Variants in ATRAID observed in about 807,000 individuals in gnomAD.
ATRAID encodes all-trans retinoic acid induced differentiation factor.
In ATRAID, 26 loss-of-function variants were observed where a neutral mutation model predicts 28.8. The ratio of observed to expected loss-of-function variants is 0.90; its 90% CI spans 0.66 to 1.25. The LOEUF (loss-of-function observed/expected upper bound fraction) is 1.25. ATRAID is among the 50% of genes most tolerant of loss of function. The pLI is 0.00. For synonymous variants in ATRAID, 131 were observed against 108.5 expected (o/e 1.21, Z -1.29); for missense variants, 308 against 285.9 (o/e 1.08, Z -0.56).
chr2:27,213,132 T>A, intron 1 of ATRAID, 45 bp from the exon 2 acceptor site: 1 of 1,595,090 alleles, frequency 6.3e-7, no homozygotes, highest in Non-Finnish European at 8.6e-7. Flanking sequence ...TGTTCTTTTC[T>A]TGGCTTTTCT....
At chr2:27,213,968 G>A (rs961447620) in intron 2 of ATRAID, among the ~76,000 whole-genome samples, 7 of 151,920 alleles carry the variant, frequency 4.6e-5, no homozygotes, top group Non-Finnish European at 8.8e-5. Context: ...TTTTTGAGAC[G>A]GAGTTTCACT....
intron 2 of ATRAID, among the ~76,000 whole-genome samples, chr2:27,213,804 C>T (rs1043165296): frequency 3.9e-5 from 6 of 152,236 alleles, no homozygotes; most frequent in African/African-American, 1.4e-4. Context: ...CCCTCAAAGG[C>T]ATTCCACCTT....
Position 27,215,723 on chromosome 2 carries a change from A to C in ATRAID, c.457A>C (p.Lys153Gln). 6.2e-7 allele frequency: 1 copy of C among 1,614,214 alleles called. No individual in the cohort carries two copies. Among genetic ancestry groups the C allele is most frequent in the East Asian group, 2.2e-5 (1 of 44,892 alleles). ...YIDNQICQGQ[K>Q]NLCNNTGDPE... is the part of the protein sequence containing the mutation. The stretch of plus-strand genomic sequence containing the variant: ...AGACAACCAAATCTGTCAAGGGCAA[A>C]AGAACCTTTGCAATAACACTGGGGA... Residue 153 changes from lysine (K) to glutamine (Q), a missense_variant, in exon 5 of 7, where the codon AAG becomes CAG. Transcript: ENST00000380171.
Position 27,215,331 on chromosome 2 carries a change from C to T in ATRAID, c.232C>T (p.Gln78Ter), listed in dbSNP as rs772920535. The T allele has an allele frequency of 6.2e-7, 1 of 1,614,002 alleles. No homozygotes were observed. The highest frequency in any genetic ancestry group is 1.3e-5 in the African/African-American group (1 of 74,888). The change falls in exon 3 of 7, where the codon CAG becomes TAG. Residue 78 changes from glutamine (Q) to a stop codon, truncating the protein, a stop_gained. Transcript: ENST00000380171. LOFTEE classifies it high-confidence loss of function. ...ACTTTATTTCCTCAGGCTGGATCTC[C>T]AGAACTGTTCTCTGGAGGACCCTGG... ...QKGTILGLDLQNCSLEDPGPN... is the reference protein window; with the variant it reads ...QKGTILGLDL
At position 27,216,770 on chromosome 2, in the gene ATRAID, G is replaced by A. The variant is rs1572414840; in HGVS notation, c.586-74G>A. On this transcript the variant is annotated intron_variant, in intron 6 of 6. Coordinates refer to ENST00000380171, the MANE Select transcript of ATRAID (RefSeq NM_001170795.4). ...CTAGACAAAGTGATAGGTATATTAG[G>A]AAAGAACTAGGTGTTAGGATGTGGC... The A allele has an allele frequency of 2.7e-6, 4 of 1,468,768 alleles. No individual in the cohort carries two copies. In the East Asian group the frequency reaches 9.1e-5, roughly 33 times the overall value. 91.0% of individuals were successfully genotyped at this position (1,468,768 alleles called of 1,614,324 possible). A position where few individuals can be genotyped will look rare whatever the true frequency, so the allele number is the denominator to read the frequency against.
chr2:27,216,234 G>T (rs1375122635), intron 5 of ATRAID: 1 of 403,046 alleles, frequency 2.5e-6, no homozygotes, highest in Non-Finnish European at 4.6e-6. Flanking sequence ...GGGTGGGGCA[G>T]AAACAAATCA....
At position 27,216,883 on chromosome 2, in the gene ATRAID, G is replaced by T. The variant is rs7437; in HGVS notation, c.625G>T (p.Ala209Ser). 80,213 of 1,613,972 alleles carry T rather than the reference G, an allele frequency of 0.05. 2,284 individuals are homozygous for T. Among genetic ancestry groups the T allele is most frequent in the African/African-American group, 0.11 (8,105 of 74,996 alleles). ...SLLMFFGILG[A>S]TTLSVSILLW... ...GCTTATGTTCTTCGGGATTCTGGGA[G>T]CCACCACTCTATCCGTCTCCATTCT... Residue 209 changes from alanine (A) to serine (S), a missense_variant, in exon 7 of 7, where the codon GCC becomes TCC. By Grantham distance (99) the Ala-to-Ser change is moderately conservative (BLOSUM62 1). Coordinates refer to ENST00000380171, the MANE Select transcript of ATRAID (RefSeq NM_001170795.4).
chr2:27,217,004 A>G lies in ATRAID; in HGVS notation c.*56A>G, dbSNP rs1039640686. The G allele has an allele frequency of 6.0e-5, 88 of 1,455,782 alleles. No individual in the cohort carries two copies. The highest frequency in any genetic ancestry group is 2.0e-5 in the Admixed American group (1 of 50,114). 90.2% of individuals were successfully genotyped at this position (1,455,782 alleles called of 1,614,324 possible). A position where few individuals can be genotyped will look rare whatever the true frequency, so the allele number is the denominator to read the frequency against. ...CAATCTGAACTATCTTAGCCCAGTC[A>G]GGGAGCTCTGCTTCCTAGAAAGGCA... On this transcript the variant is annotated 3_prime_UTR_variant, in exon 7 of 7. Transcript: ENST00000380171.
At chr2:27,213,548 T>C (rs2148042839) in intron 2 of ATRAID, 1 of 345,600 alleles carries the variant, frequency 2.9e-6, no homozygotes, top group South Asian at 8.9e-5. Flanking sequence ...CAAAATGTTA[T>C]GTTTTGCTTC....
In ATRAID at chr2:27,216,945, A is replaced by G; in HGVS notation, c.687A>G (p.Ser229=). The change falls in exon 7 of 7, where the codon TCA becomes TCG. Residue 229 remains serine, a synonymous_variant. Coordinates refer to ENST00000380171, the MANE Select transcript of ATRAID (RefSeq NM_001170795.4). The part of the protein sequence containing the change: ...WATQRRKAKT[S] Reference sequence around the variant, plus strand: ...CCCAGCGCCGAAAAGCCAAGACTTCATGAACTACATAGGTCTTACCATTGA... The same window carrying G: ...CCCAGCGCCGAAAAGCCAAGACTTCGTGAACTACATAGGTCTTACCATTGA... The G allele has an allele frequency of 6.2e-7, 1 of 1,606,180 alleles. No individual in the cohort carries two copies.
In ATRAID at chr2:27,215,763, C is replaced by G. The variant is rs200050175; in HGVS notation, c.487+10C>G. 1.2e-4 allele frequency: 192 copies of G among 1,612,404 alleles called. No individual in the cohort carries two copies. Among genetic ancestry groups the G allele is most frequent in the Non-Finnish European group, 1.3e-4 (150 of 1,179,492 alleles). On this transcript the variant is annotated intron_variant, in intron 5 of 6. Coordinates refer to ENST00000380171, the MANE Select transcript of ATRAID (RefSeq NM_001170795.4). Reference sequence around the variant, plus strand: ...AACACTGGGGACCCAGGTATGCTGTCTTACCTCCAAACTTCTGGGAATTGT... The same window carrying G: ...AACACTGGGGACCCAGGTATGCTGTGTTACCTCCAAACTTCTGGGAATTGT...
rs370763840 is a variant in ATRAID at position 27,213,269 on chromosome 2, C to G, written c.192C>G (p.Cys64Trp). 6.2e-7 allele frequency: 1 copy of G among 1,614,156 alleles called. No individual in the cohort carries two copies. Among genetic ancestry groups the G allele is most frequent in the Admixed American group, 1.7e-5 (1 of 60,020 alleles). The stretch of plus-strand genomic sequence containing the variant: ...GAGAGCTAATGCTGCATGCCCGTTG[C>G]TGCCTGAATCAGAAGGGCACCATCT... ...TTRELMLHARCCLNQKGTILG... is the reference protein window; with the variant it reads ...TTRELMLHARWCLNQKGTILG... Residue 64 changes from cysteine to tryptophan, a missense_variant, in exon 2 of 7, where the codon TGC (cysteine) becomes TGG (tryptophan). Physicochemically the swap from Cys to Trp is radical, Grantham distance 215 (BLOSUM62 -2). Coordinates refer to ENST00000380171, the MANE Select transcript of ATRAID (RefSeq NM_001170795.4).
rs777343021 is a variant in ATRAID at position 27,215,746 on chromosome 2, G to A, written c.480G>A (p.Gly160=). 7 of 1,613,954 alleles carry A rather than the reference G, an allele frequency of 4.3e-6. No homozygotes were observed. Among genetic ancestry groups the A allele is most frequent in the Non-Finnish European group, 5.9e-6 (7 of 1,180,012 alleles). The part of the protein sequence containing the change: ...QGQKNLCNNT[G]DPEMCPENGS... ...AAAAGAACCTTTGCAATAACACTGG[G>A]GACCCAGGTATGCTGTCTTACCTCC... The change falls in exon 5 of 7, where the codon GGG becomes GGA. Residue 160 remains glycine (G), a synonymous_variant. Transcript: ENST00000380171.
At chr2:27,212,714 T>TA (rs1674635251) in intron 1 of ATRAID, 1 of 1,241,598 alleles carries the variant, frequency 8.1e-7, no homozygotes, top group Non-Finnish European at 1.1e-6. Flanking sequence ...AGAATAACTT[T>TA]AAGTTCTTTC....
In ATRAID at chr2:27,212,061, C is replaced by T. The variant is rs570744769; in HGVS notation, c.-308C>T. 1.5e-4 allele frequency: 175 copies of T among 1,140,752 alleles called. 1 individual carries two copies. In the Admixed American group the frequency reaches 6.1e-3, roughly 40 times the overall value. The allele number at this position is 1,140,752 out of a possible 1,614,324, so 70.7% of individuals were successfully genotyped here. On this transcript the variant is annotated 5_prime_UTR_variant, in exon 1 of 7. Transcript: ENST00000380171. ...GGCCCGAGTTTCTGCGAAGCCGCGA[C>T]CTCGGCGTCCGGACGCGGGGAACAC... is the stretch of plus-strand genomic sequence containing the variant.
chr2:27,214,817 A>G (rs1674760734), intron 2 of ATRAID, among the ~76,000 whole-genome samples: 1 of 152,212 alleles, frequency 6.6e-6, no homozygotes, highest in South Asian at 2.1e-4. Flanking sequence ...GTGCCACTGC[A>G]CTCCAGCTTG....
Position 27,215,393 on chromosome 2 carries a change from G to A in ATRAID, c.293+1G>A. On this transcript the variant is annotated splice_donor_variant, in intron 3 of 6. Transcript: ENST00000380171. LOFTEE classifies it high-confidence loss of function. ...ATCAGGCACATACCACTGTCATCAT[G>A]TAAGTAGTTAGGTACCTCCCACCCA... 1.2e-6 allele frequency: 2 copies of A among 1,614,186 alleles called. No individual in the cohort carries two copies. The highest frequency in any genetic ancestry group is 2.2e-5 in the South Asian group (2 of 91,090).
rs969919244 is a variant in ATRAID, at chr2:27,217,133, C to A, written c.*185C>A. On this transcript the variant is annotated 3_prime_UTR_variant, in exon 7 of 7. Transcript: ENST00000380171. ...TACCAGTTCCCATTGGTGTTGTTGC[C>A]TATAATAAACACTTTTTTCTTTTTT... 6.3e-5 allele frequency: 34 copies of A among 538,966 alleles called. No homozygotes were observed. The highest frequency in any genetic ancestry group is 5.4e-4 in the African/African-American group (27 of 50,400). The allele number at this position is 538,966 out of a possible 1,614,324, so 33.4% of individuals were successfully genotyped here. A position where few individuals can be genotyped will look rare whatever the true frequency, so the allele number is the denominator to read the frequency against.
chr2:27,214,514 A>C (rs946241966), intron 2 of ATRAID, among the ~76,000 whole-genome samples: 1 of 152,172 alleles, frequency 6.6e-6, no homozygotes, highest in African/African-American at 2.4e-5. Flanking sequence ...CAATAGATGC[A>C]TAACCGATTA....
Sources: gnomAD v4.1 joint callset for allele counts (sites outside exome capture counted in the v4.1 genomes callset) on GRCh38, gnomAD v4.1.1 for gene constraint, MANE v1.5 for transcripts, NCBI Gene and HGNC (gene_info 2026-07-23, HGNC 2026-07-21) for gene names.